Variants in INCENP observed in about 807,000 individuals in gnomAD.
INCENP encodes the protein binds and activates aurora-B and -C in vivo and in vitro.
INCENP carries 43 observed loss-of-function variants against 107.3 expected under a neutral mutation model. The observed-to-expected ratio is 0.40, with a 90% confidence interval of 0.31 to 0.52. The LOEUF is 0.52. Among genes scored for constraint, INCENP ranks in the 20% least tolerant of loss-of-function variants. INCENP has a pLI of 0.53. For missense variants in INCENP, 1,089 were observed against 1,250.9 expected, an observed-to-expected ratio of 0.87 and a Z score of 1.95; for synonymous variants, 488 against 494.4, an observed-to-expected ratio of 0.99 and a Z score of 0.17.
intron 5 of INCENP, among the ~76,000 whole-genome samples, chr11:62,138,209 T>G (rs1378306639): frequency 5.5e-4 from 84 of 152,086 alleles, no homozygotes; most frequent in Admixed American, 5.5e-3. Flanking sequence ...TGCTCCAGGA[T>G]TACACCCAGT....
chr11:62,140,670 C>T, intron 8 of INCENP, 34 bp from the exon 9 acceptor site: 1 of 1,521,838 alleles, frequency 6.6e-7, no homozygotes, highest in African/African-American at 1.4e-5. Context: ...CTGTGGCGGG[C>T]TGCCCTGTGA....
intron 4 of INCENP, among the ~76,000 whole-genome samples, chr11:62,134,417 A>AAC (rs1943949964): frequency 6.7e-6 from 1 of 149,590 alleles, no homozygotes; most frequent in Non-Finnish European, 1.5e-5. Flanking sequence ...AAAAAAAAAA[A>AAC]AAAGCTTTGA....
chr11:62,129,509 T>C (rs1033229776), intron 3 of INCENP, among the ~76,000 whole-genome samples: 2 of 152,200 alleles, frequency 1.3e-5, no homozygotes, highest in Admixed American at 6.5e-5. Flanking sequence ...GTGGTGTAAC[T>C]TCAGTCAGCC....
At position 62,128,756 on chromosome 11, in the gene INCENP, C is replaced by G. The variant is rs1309645245; in HGVS notation, c.141-14C>G. ...CCAGGCAGCCTCGAGTGACACCCTCCTTGTGCCAAACAGAGAATTCAGCAA... is the reference window on the plus strand; with the variant it reads ...CCAGGCAGCCTCGAGTGACACCCTCGTTGTGCCAAACAGAGAATTCAGCAA... On this transcript the variant is annotated splice_polypyrimidine_tract_variant and intron_variant, in intron 2 of 18. Coordinates refer to ENST00000394818, the MANE Select transcript of INCENP (RefSeq NM_001040694.2). 1.3e-6 allele frequency: 2 copies of G among 1,593,132 alleles called. No individual in the cohort carries two copies. The highest frequency in any genetic ancestry group is 3.3e-4 in the Middle Eastern group (2 of 6,012).
chr11:62,139,262 G>A (rs907691919), intron 7 of INCENP, among the ~76,000 whole-genome samples: 10 of 152,150 alleles, frequency 6.6e-5, no homozygotes, highest in South Asian at 2.1e-4. Flanking sequence ...GGGCTGCATC[G>A]GGGTATGGAT....
chr11:62,150,335 G>A (rs1944347696), intron 18 of INCENP, 128 bp downstream of exon 18: 2 of 977,258 alleles, frequency 2.0e-6, no homozygotes, highest in Non-Finnish European at 3.0e-6. Context: ...GGCAGTTCGA[G>A]GCTCTAGCCT....
At chr11:62,139,452 C>G (rs1211508022) in intron 7 of INCENP, among the ~76,000 whole-genome samples, 1 of 152,166 alleles carries the variant, frequency 6.6e-6, no homozygotes, top group East Asian at 1.9e-4. Flanking sequence ...TGGGAGTGTC[C>G]CAGGGTCCTG....
At position 62,130,305 on chromosome 11, in the gene INCENP, G is replaced by T. The variant is rs763687523; in HGVS notation, c.778G>T (p.Ala260Ser). 10 of 1,611,702 alleles carry T rather than the reference G, an allele frequency of 6.2e-6. No individual in the cohort carries two copies. Among genetic ancestry groups the T allele is most frequent in the Non-Finnish European group, 8.5e-6 (10 of 1,180,006 alleles). The part of the protein sequence containing the change: ...TGRSASKLRI[A>S]QVSPGPRDSP... ...GCGGTCTGCGTCTAAGCTCAGGATT[G>T]CGCAGGTCTCCCCTGGCCCACGGGA... The change falls in exon 4 of 19, where the codon GCG becomes TCG. Residue 260 changes from alanine to serine, a missense_variant. Ala to Ser is a moderately conservative substitution (Grantham distance 99, BLOSUM62 1). Coordinates refer to ENST00000394818, the MANE Select transcript of INCENP (RefSeq NM_001040694.2).
intron 1 of INCENP, among the ~76,000 whole-genome samples, chr11:62,127,046 T>G (rs1337594590): frequency 2.0e-5 from 3 of 151,228 alleles, no homozygotes; most frequent in Non-Finnish European, 3.0e-5. Flanking sequence ...TTGTTTTGTT[T>G]TTTTTTTTTT....
chr11:62,130,616 G>C, intron 4 of INCENP, 26 bp downstream of exon 4: 1 of 1,588,632 alleles, frequency 6.3e-7, no homozygotes. Flanking sequence ...TGGCAGTGGC[G>C]GGTGGTCCTT....
At chr11:62,137,134 A>G (rs889973382) in intron 4 of INCENP, among the ~76,000 whole-genome samples, 2 of 152,128 alleles carry the variant, frequency 1.3e-5, no homozygotes, top group African/African-American at 4.8e-5. Context: ...CGGGTGGATC[A>G]CTTGAGGTCA....
intron 3 of INCENP, 56 bp downstream of exon 3, chr11:62,128,939 C>T: frequency 8.5e-7 from 1 of 1,175,174 alleles, no homozygotes; most frequent in East Asian, 2.3e-5. Context: ...AGGCTTGGTG[C>T]CATCTGGGAG....
intron 11 of INCENP, 142 bp from the exon 12 acceptor site, chr11:62,144,840 T>C (rs774865356): frequency 4.2e-5 from 34 of 815,994 alleles, no homozygotes; most frequent in South Asian, 2.7e-4. Context: ...TGGGGCCACG[T>C]TGGGGATACC....
In INCENP at chr11:62,130,439, G is replaced by A. The variant is rs113600886; in HGVS notation, c.912G>A (p.Arg304=). 1.1e-4 allele frequency: 176 copies of A among 1,613,934 alleles called. No homozygotes were observed. The African/African-American group carries it at 2.2e-3, about 20-fold the overall frequency. The change falls in exon 4 of 19, where the codon CGG becomes CGA. Residue 304 remains arginine, a synonymous_variant. Coordinates refer to ENST00000394818, the MANE Select transcript of INCENP (RefSeq NM_001040694.2). ...TGSRTDSQSV[R]HSPIAPSSPS... ...CTCGCACGGACTCTCAATCGGTGCG[G>A]CACAGCCCGATCGCCCCGTCTTCCC...
Position 62,151,768 on chromosome 11 carries a change from C to T in INCENP, c.2549C>T (p.Pro850Leu), listed in dbSNP as rs781470064. The T allele has an allele frequency of 1.2e-5, 19 of 1,613,860 alleles. No homozygotes were observed. The highest frequency in any genetic ancestry group is 5.0e-5 in the Admixed American group (3 of 60,002). ...KPIPTWARGT[P>L]LSQAIIHQYY... ...GGTCTGTGGTCTCCTGCAGGCACCC[C>T]GCTCAGCCAGGCTATCATTCACCAG... is the stretch of plus-strand genomic sequence containing the variant. Residue 850 changes from proline to leucine, a missense_variant, in exon 19 of 19, where the codon CCG becomes CTG. Coordinates refer to ENST00000394818, the MANE Select transcript of INCENP (RefSeq NM_001040694.2).
chr11:62,140,984 C>T lies in INCENP; in HGVS notation c.1533C>T (p.Ala511=), dbSNP rs202107003. Residue 511 remains alanine, a synonymous_variant, in exon 10 of 19, where the codon GCC becomes GCT. Coordinates refer to ENST00000394818, the MANE Select transcript of INCENP (RefSeq NM_001040694.2). ...RNQMLMTPTS[A]PRSVMKSFIK... Reference sequence around the variant, plus strand: ...AGATGCTCATGACCCCGACCTCAGCCCCACGCAGCGTCATGAAGTCCTTTA... The same window carrying T: ...AGATGCTCATGACCCCGACCTCAGCTCCACGCAGCGTCATGAAGTCCTTTA... The T allele has an allele frequency of 8.5e-5, 137 of 1,614,134 alleles. No homozygotes were observed. The highest frequency in any genetic ancestry group is 1.9e-5 in the Non-Finnish European group (22 of 1,180,058).
rs1027841225 is a variant in INCENP, at chr11:62,147,022, C to T, written c.2204+120C>T. 27 of 1,475,858 alleles carry T rather than the reference C, an allele frequency of 1.8e-5. No individual in the cohort carries two copies. The Admixed American group carries it at 5.2e-4, about 28-fold the overall frequency. 91.4% of individuals were successfully genotyped at this position (1,475,858 alleles called of 1,614,324 possible). On this transcript the variant is annotated intron_variant, in intron 15 of 18. Transcript: ENST00000394818. Reference sequence around the variant, plus strand: ...GGTTTGCAGGTGCTTTCCTTGGCACCAAACCCAGAGGCCCACCTGAATACA... The same window carrying T: ...GGTTTGCAGGTGCTTTCCTTGGCACTAAACCCAGAGGCCCACCTGAATACA...
intron 4 of INCENP, among the ~76,000 whole-genome samples, chr11:62,133,224 A>C (rs1177798244): frequency 6.6e-6 from 1 of 152,162 alleles, no homozygotes; most frequent in Admixed American, 6.5e-5. Context: ...CAATTTGTTA[A>C]TTTTTGGGAA....
In INCENP at chr11:62,140,899, G is replaced by C. The variant is rs755798376; in HGVS notation, c.1462-14G>C. 3.7e-6 allele frequency: 6 copies of C among 1,614,080 alleles called. No individual in the cohort carries two copies. Among genetic ancestry groups the C allele is most frequent in the Non-Finnish European group, 5.1e-6 (6 of 1,180,016 alleles). ...CCCCGCCTGCCCACTTCTGACCCTG[G>C]TCCTCGTCTGCAGGTGGTACGGCCC... On this transcript the variant is annotated splice_polypyrimidine_tract_variant and intron_variant, in intron 9 of 18. Transcript: ENST00000394818.
Sources: allele counts gnomAD v4.1 joint callset (sites outside exome capture counted in the v4.1 genomes callset), GRCh38; gene constraint gnomAD v4.1.1; transcripts MANE v1.5; gene names NCBI Gene and HGNC (gene_info 2026-07-23, HGNC 2026-07-21).